Variants in STAM2 observed in about 807,000 individuals in gnomAD.
STAM2 encodes the protein signal transducing adapter molecule 2.
STAM2 carries 51 observed loss-of-function variants against 65.6 expected under a neutral mutation model. That is an observed-to-expected ratio of 0.78 (90% CI 0.62 to 0.98). The LOEUF (loss-of-function observed/expected upper bound fraction) is 0.98, where lower values mean the gene tolerates loss of function less well. Ranked by LOEUF, STAM2 falls within the 50% of genes least tolerant of loss-of-function variation. The probability of loss-of-function intolerance (pLI) is 0.00; values close to 1 mark genes in which losing one functional copy is unlikely to be tolerated. For missense variants in STAM2, 584 were observed against 617.8 expected (o/e 0.95, Z 0.58); for synonymous variants, 198 against 208.4 (o/e 0.95, Z 0.43).
chr2:152,124,122 AATTTG>A, intron 12 of STAM2, 187 bp from the exon 13 acceptor site: 1 of 552,494 alleles, frequency 1.8e-6, no homozygotes. Context: ...AATCTATGGA[AATTTG>A]ATTTGTTTGG....
intron 1 of STAM2, among the ~76,000 whole-genome samples, chr2:152,151,271 T>C (rs1234129835): frequency 6.9e-6 from 1 of 145,608 alleles, no homozygotes; most frequent in East Asian, 2.1e-4. Context: ...AACCTCCACC[T>C]CCCAGGTTCA....
chr2:152,130,995 CA>C (rs11300791), intron 11 of STAM2, among the ~76,000 whole-genome samples: 84,165 of 93,924 alleles, frequency 0.9, 37,365 homozygotes, highest in Middle Eastern at 0.97. Flanking sequence ...GACTCCATCT[CA>C]AAAAAAAAAA....
chr2:152,124,417 G>C (rs1688915363), intron 12 of STAM2: 1 of 152,840 alleles, frequency 6.5e-6, no homozygotes, highest in African/African-American at 2.4e-5. Context: ...AGGGTGCCAG[G>C]GCTTCCCTGG....
At chr2:152,144,668 AGTTGGGACTACAGGCGCCC>A in intron 6 of STAM2, 1 of 396,570 alleles carries the variant, frequency 2.5e-6, no homozygotes, top group African/African-American at 2.1e-5. Flanking sequence ...CCTCCCGAGT[AGTTGGGACTACAGGCGCCC>A]GCCACCACGC....
At chr2:152,123,241 G>A (rs567260841) in intron 13 of STAM2, among the ~76,000 whole-genome samples, 2 of 152,096 alleles carry the variant, frequency 1.3e-5, no homozygotes, top group African/African-American at 2.4e-5. Flanking sequence ...GCATGGTGGC[G>A]CGTGCCTGTA....
chr2:152,129,764 GATT>G (rs1689024898), intron 11 of STAM2, among the ~76,000 whole-genome samples: 1 of 152,156 alleles, frequency 6.6e-6, no homozygotes, highest in South Asian at 2.1e-4. Flanking sequence ...TTTCCAGTTT[GATT>G]ATTCACTGAA....
intron 1 of STAM2, among the ~76,000 whole-genome samples, chr2:152,169,530 T>C (rs1438164747): frequency 6.6e-6 from 1 of 152,160 alleles, no homozygotes; most frequent in African/African-American, 2.4e-5. Context: ...ACCAAGTGTT[T>C]GGATTGCAGG....
At chr2:152,134,361 TAA>T (rs1689114976) in intron 8 of STAM2, among the ~76,000 whole-genome samples, 2 of 152,212 alleles carry the variant, frequency 1.3e-5, no homozygotes, top group South Asian at 4.1e-4. Flanking sequence ...GCATGATCTA[TAA>T]AGTTATTTTT....
intron 4 of STAM2, 60 bp downstream of exon 4, chr2:152,147,964 T>C: frequency 1.6e-6 from 2 of 1,260,654 alleles, no homozygotes; most frequent in Admixed American, 1.9e-5. Context: ...CATATAGTTA[T>C]AATGACACAC....
intron 1 of STAM2, among the ~76,000 whole-genome samples, chr2:152,167,646 G>C (rs1172258974): frequency 6.6e-6 from 1 of 152,080 alleles, no homozygotes; most frequent in Non-Finnish European, 1.5e-5. Context: ...TATAATCCCA[G>C]CACTTTGGGA....
At chr2:152,174,876 G>A (rs1321708918) in intron 1 of STAM2, among the ~76,000 whole-genome samples, 4 of 152,116 alleles carry the variant, frequency 2.6e-5, no homozygotes, top group Non-Finnish European at 5.9e-5. Flanking sequence ...AAATAATTTC[G>A]TATATATCTT....
chr2:152,173,894 G>A (rs1315476814), intron 1 of STAM2, among the ~76,000 whole-genome samples: 2 of 152,036 alleles, frequency 1.3e-5, no homozygotes, highest in African/African-American at 4.8e-5. Context: ...ATGCCTTTGG[G>A]GTTCTGAATT....
intron 7 of STAM2, among the ~76,000 whole-genome samples, chr2:152,138,424 T>C (rs1048296156): frequency 6.6e-6 from 1 of 152,194 alleles, no homozygotes; most frequent in African/African-American, 2.4e-5. Context: ...CTACTGAGTT[T>C]TGTATGTTGA....
In STAM2 at chr2:152,119,953, G is replaced by C. The variant is rs546488304; in HGVS notation, c.*621C>G. On this transcript the variant is annotated 3_prime_UTR_variant, in exon 14 of 14. Coordinates refer to ENST00000263904, the MANE Select transcript of STAM2 (RefSeq NM_005843.6). Reference sequence around the variant, plus strand: ...TAATTATTATTCAACATAACAGTGAGAGCAAAAGTGACAATACTGCAAACA... The same window carrying C: ...TAATTATTATTCAACATAACAGTGACAGCAAAAGTGACAATACTGCAAACA... 3 of 152,808 alleles carry C rather than the reference G, an allele frequency of 2.0e-5. No individual in the cohort carries two copies. In the South Asian group the frequency reaches 6.2e-4, roughly 32 times the overall value. The allele number at this position is 152,808 out of a possible 1,614,324, so 9.5% of individuals were successfully genotyped here. A position where few individuals can be genotyped will look rare whatever the true frequency, so the allele number is the denominator to read the frequency against.
At chr2:152,173,388 G>GTATACATATA (rs1689937130) in intron 1 of STAM2, among the ~76,000 whole-genome samples, 6 of 142,576 alleles carry the variant, frequency 4.2e-5, no homozygotes, top group South Asian at 2.2e-4. Flanking sequence ...ATATATATAT[G>GTATACATATA]TATACATATA....
intron 1 of STAM2, among the ~76,000 whole-genome samples, chr2:152,169,874 G>A (rs1214302191): frequency 6.8e-6 from 1 of 147,362 alleles, no homozygotes; most frequent in East Asian, 2.1e-4. Flanking sequence ...TTTTTTTTGA[G>A]ATGGAGTCTC....
chr2:152,145,203 CG>C (rs999326732), intron 5 of STAM2, among the ~76,000 whole-genome samples: 6 of 152,002 alleles, frequency 3.9e-5, no homozygotes, highest in African/African-American at 1.4e-4. Context: ...CCTGGGAAGC[CG>C]GAACTAGAGG....
Position 152,148,053 on chromosome 2 carries a change from T to C in STAM2, c.271A>G (p.Thr91Ala). The part of the protein sequence containing the change: ...HLEVCSRDFA[T>A]EVRAVIKNKA... ...TTTTTAATCACAGCACGTACTTCTG[T>C]TGCAAAATCACGGGAACATACTTCT... The change falls in exon 4 of 14, where the codon ACA becomes GCA. Residue 91 changes from threonine (T) to alanine (A), a missense_variant. By Grantham distance (58) the Thr-to-Ala change is moderately conservative. Coordinates refer to ENST00000263904, the MANE Select transcript of STAM2 (RefSeq NM_005843.6). 2 of 1,610,742 alleles carry C rather than the reference T, an allele frequency of 1.2e-6. No homozygotes were observed. Among genetic ancestry groups the C allele is most frequent in the South Asian group, 1.1e-5 (1 of 90,144 alleles).
chr2:152,137,444 G>C (rs917634658), intron 7 of STAM2, among the ~76,000 whole-genome samples: 1 of 151,376 alleles, frequency 6.6e-6, no homozygotes, highest in Non-Finnish European at 1.5e-5. Context: ...TCGTATTTTT[G>C]CCCACTTTTC....
Sources: allele counts gnomAD v4.1 joint callset (sites outside exome capture counted in the v4.1 genomes callset), GRCh38; gene constraint gnomAD v4.1.1; transcripts MANE v1.5; gene names NCBI Gene and HGNC (gene_info 2026-07-23, HGNC 2026-07-21).